MTHFD1L: variants seen among roughly 807,000 people sequenced by gnomAD.
MTHFD1L encodes methylenetetrahydrofolate dehydrogenase (NADP+ dependent) 1 like.
A neutral mutation model predicts 119.5 loss-of-function variants in MTHFD1L; 81 were observed. That is an observed-to-expected ratio of 0.68 (90% CI 0.57 to 0.82). MTHFD1L has a LOEUF of 0.82. Ranked by LOEUF, MTHFD1L falls within the 40% of genes least tolerant of loss-of-function variation. MTHFD1L has a pLI of 0.00. For synonymous variants in MTHFD1L, 430 were observed against 475.2 expected (o/e 0.90, Z 1.24); for missense variants, 1,125 against 1,253.4 (o/e 0.90, Z 1.55).
chr6:150,888,838 A>G (rs1006157123), intron 7 of MTHFD1L, among the ~76,000 whole-genome samples: 3 of 152,204 alleles, frequency 2.0e-5, no homozygotes, highest in East Asian at 3.9e-4. Context: ...TTATGCATAT[A>G]TGGAAGCTTG....
At chr6:150,945,680 G>A (rs547964732) in intron 15 of MTHFD1L, 139 bp downstream of exon 15, 42 of 724,690 alleles carry the variant, frequency 5.8e-5, no homozygotes, top group South Asian at 4.1e-4. Context: ...TATAGAGACC[G>A]AACACTGGAG....
chr6:151,043,439 T>C (rs1209592067), intron 26 of MTHFD1L, among the ~76,000 whole-genome samples: 1 of 151,892 alleles, frequency 6.6e-6, no homozygotes, highest in African/African-American at 2.4e-5. Context: ...TCATTTTTTG[T>C]ATTTTTCAAA....
chr6:151,085,903 G>A lies in MTHFD1L; in HGVS notation c.2848-6564G>A, dbSNP rs182323765. On this transcript the variant is annotated intron_variant, in intron 26 of 27. Transcript: ENST00000367321. ...AAGCTCTTAGCAGGGACTGGGTCCT[G>A]GTCACCTGGGTGTCCTGGTAGTAAG... Among the ~76,000 whole-genome samples the A allele has an allele frequency of 2.7e-3, 404 of 151,882 alleles. 7 individuals are homozygous for A. Among genetic ancestry groups the A allele is most frequent in the East Asian group, 1.5e-3 (8 of 5,166 alleles).
Position 150,926,061 on chromosome 6 carries a change from C to G in MTHFD1L, c.1083-61C>G, listed in dbSNP as rs1182922850. On this transcript the variant is annotated intron_variant, in intron 10 of 27. Coordinates refer to ENST00000367321, the MANE Select transcript of MTHFD1L (RefSeq NM_015440.5). The surrounding 1 kb of genome is among the most constrained non-coding windows in gnomAD (Gnocchi z 4.3). ...GGCGTGATGTGTGGCTGTTTTCACT[C>G]CAGTTGTGACCACCTAAGCTGAGAA... The G allele has an allele frequency of 2.0e-6, 3 of 1,479,098 alleles. No individual in the cohort carries two copies. The East Asian group carries it at 6.9e-5, about 34-fold the overall frequency. 91.6% of individuals were successfully genotyped at this position (1,479,098 alleles called of 1,614,324 possible). A position where few individuals can be genotyped will look rare whatever the true frequency, so the allele number is the denominator to read the frequency against.
intron 26 of MTHFD1L, among the ~76,000 whole-genome samples, chr6:151,052,319 A>G (rs1175009555): frequency 6.6e-6 from 1 of 152,156 alleles, no homozygotes; most frequent in Non-Finnish European, 1.5e-5. Context: ...CCAGTTCAAA[A>G]CATTCTTGCG....
At chr6:150,976,556 C>G (rs981456938) in intron 20 of MTHFD1L, among the ~76,000 whole-genome samples, 1 of 152,138 alleles carries the variant, frequency 6.6e-6, no homozygotes, top group Non-Finnish European at 1.5e-5. Flanking sequence ...TCATGTTCTT[C>G]AAAAAGTTGT....
rs745745309 is a variant in MTHFD1L, at chr6:150,964,920, G to A, written c.1945-49G>A. ...GAGAAGTGCCAAGGGGTTAACCATT[G>A]CCTGGATGATATTTTGTCAGGAATC... On this transcript the variant is annotated intron_variant, in intron 18 of 27. Coordinates refer to ENST00000367321, the MANE Select transcript of MTHFD1L (RefSeq NM_015440.5). 3 of 1,583,500 alleles carry A rather than the reference G, an allele frequency of 1.9e-6. No homozygotes were observed. The Admixed American group carries it at 5.0e-5, about 26-fold the overall frequency.
intron 26 of MTHFD1L, among the ~76,000 whole-genome samples, chr6:151,047,191 G>A (rs1177246832): frequency 6.6e-6 from 1 of 152,154 alleles, no homozygotes; most frequent in African/African-American, 2.4e-5. Context: ...AAAGAGTTAA[G>A]TTATGCAGCC....
chr6:150,972,037 G>T lies in MTHFD1L; in HGVS notation c.2104G>T (p.Val702Phe), dbSNP rs150253908. 2 of 1,613,970 alleles carry T rather than the reference G, an allele frequency of 1.2e-6. No homozygotes were observed. The highest frequency in any genetic ancestry group is 3.3e-5 in the Admixed American group (2 of 59,986). Residue 702 changes from valine to phenylalanine, a missense_variant, in exon 20 of 28, where the codon GTT (valine) becomes TTT (phenylalanine). Around this residue, in one of 3 missense-constraint regions of MTHFD1L, gnomAD observed 1,058 missense variants for 1,151.2 expected, o/e 0.92. Coordinates refer to ENST00000367321, the MANE Select transcript of MTHFD1L (RefSeq NM_015440.5). Reference sequence around the variant, plus strand: ...GGCTGATAAAATTGCCCTGAAACTGGTTGGTGAAGAAGGATTTGTAGGTAA... The same window carrying T: ...GGCTGATAAAATTGCCCTGAAACTGTTTGGTGAAGAAGGATTTGTAGGTAA... ...VLADKIALKL[V>F]GEEGFVVTEA...
rs984639806 is a variant in MTHFD1L, at chr6:151,100,127, G to A, written c.*32-1399G>A. 2.7e-5 allele frequency among the ~76,000 whole-genome samples: 4 copies of A among 149,432 alleles called. No homozygotes were observed. In the South Asian group the frequency reaches 6.4e-4, roughly 24 times the overall value. ...CGGCTCACTGCAAGCTCCGCCTCCC[G>A]GGTTCACGCCATTCTCCTGCCTCAA... On this transcript the variant is annotated intron_variant, in intron 27 of 27. Transcript: ENST00000367321.
intron 20 of MTHFD1L, among the ~76,000 whole-genome samples, chr6:151,007,416 T>C (rs1318089418): frequency 4.0e-5 from 6 of 151,488 alleles, no homozygotes; most frequent in African/African-American, 1.2e-4. Flanking sequence ...TTCAATATGA[T>C]TTTTAGCAAG....
chr6:151,077,941 C>T (rs1270471914), intron 26 of MTHFD1L, among the ~76,000 whole-genome samples: 1 of 147,548 alleles, frequency 6.8e-6, no homozygotes, highest in Non-Finnish European at 1.5e-5. Context: ...GCCCCAGCTA[C>T]TCCGGAGAGG....
intron 27 of MTHFD1L, among the ~76,000 whole-genome samples, chr6:151,094,272 T>A (rs1224869218): frequency 6.6e-6 from 1 of 152,210 alleles, no homozygotes; most frequent in African/African-American, 2.4e-5. Context: ...AAGACCTTCT[T>A]CTTCAACCAT....
intron 20 of MTHFD1L, among the ~76,000 whole-genome samples, chr6:150,973,370 T>C (rs1212659532): frequency 6.6e-6 from 1 of 152,216 alleles, no homozygotes; most frequent in African/African-American, 2.4e-5. Context: ...GCAGCTCTCA[T>C]GTACTTTGCT....
At chr6:151,004,645 G>A (rs757448700) in intron 20 of MTHFD1L, among the ~76,000 whole-genome samples, 1 of 152,206 alleles carries the variant, frequency 6.6e-6, no homozygotes, top group Non-Finnish European at 1.5e-5. Context: ...TGTACAGGTT[G>A]CTAGCAGTAT....
intron 26 of MTHFD1L, among the ~76,000 whole-genome samples, chr6:151,078,052 C>CCAA (rs781272577): frequency 1.7e-5 from 1 of 59,936 alleles, no homozygotes; most frequent in East Asian, 6.9e-4. Context: ...GACTCTGTCT[C>CCAA]AAAAAAAAAA....
chr6:150,956,167 C>A, intron 17 of MTHFD1L, 96 bp downstream of exon 17: 1 of 1,228,884 alleles, frequency 8.1e-7, no homozygotes, highest in Non-Finnish European at 1.2e-6. Context: ...TCATCCCCAA[C>A]CTGTTGTGGC....
At chr6:151,090,504 A>G (rs1438750565) in intron 26 of MTHFD1L, among the ~76,000 whole-genome samples, 1 of 152,264 alleles carries the variant, frequency 6.6e-6, no homozygotes, top group African/African-American at 2.4e-5. Context: ...ACAGGCCCAC[A>G]GGCCCCATTT....
chr6:150,900,491 T>C (rs1784934173), intron 7 of MTHFD1L, among the ~76,000 whole-genome samples: 1 of 152,144 alleles, frequency 6.6e-6, no homozygotes, highest in Non-Finnish European at 1.5e-5. Flanking sequence ...AACCATCACC[T>C]AAATGCTGTG....
Sources: allele counts gnomAD v4.1 joint callset (sites outside exome capture counted in the v4.1 genomes callset), GRCh38; gene constraint gnomAD v4.1.1; regional missense constraint gnomAD v4.1.1; non-coding constraint Gnocchi (gnomAD v3.1); transcripts MANE v1.5; gene names NCBI Gene and HGNC (gene_info 2026-07-23, HGNC 2026-07-21).